DST: variants seen among roughly 807,000 people sequenced by gnomAD.
DST encodes the protein dystonin.
A neutral mutation model predicts 875.2 loss-of-function variants in DST; 253 were observed. The ratio of observed to expected loss-of-function variants is 0.29; its 90% CI spans 0.26 to 0.32. DST has a LOEUF of 0.32. Among genes scored for constraint, DST ranks in the 10% least tolerant of loss-of-function variants. The pLI is 1.00. For synonymous variants in DST, 3,124 were observed against 3,197.1 expected (o/e 0.98, Z 0.77); for missense variants, 8,287 against 9,111.6 (o/e 0.91, Z 3.68).
chr6:56,463,633 A>T lies in DST; in HGVS notation c.22891T>A (p.Ser7631Thr), dbSNP rs2094444682. The change falls in exon 101 of 104, where the codon TCC becomes ACC. Residue 7631 changes from serine to threonine, a missense_variant. Physicochemically the swap from Ser to Thr is moderately conservative, Grantham distance 58. Transcript: ENST00000680361. ...PSSRGASPNR[S>T]TSVSSQAAQA... is the part of the protein sequence containing the mutation. ...GCAGCCTGACTGGACACAGAAGTGG[A>T]TCTGTTGGGTGAAGCGCCTCGTGAT... 1 of 1,613,538 alleles carries T rather than the reference A, an allele frequency of 6.2e-7. No individual in the cohort carries two copies. Among genetic ancestry groups the T allele is most frequent in the African/African-American group, 1.3e-5 (1 of 74,890 alleles).
chr6:56,578,481 A>C (rs1292042189), intron 50 of DST, among the ~76,000 whole-genome samples: 3 of 152,230 alleles, frequency 2.0e-5, no homozygotes, highest in African/African-American at 7.2e-5. Context: ...CTTAAGTTGA[A>C]GGCCTAACTC....
chr6:56,493,744 T>C (rs2095826851), intron 83 of DST, among the ~76,000 whole-genome samples: 1 of 152,098 alleles, frequency 6.6e-6, no homozygotes, highest in South Asian at 2.1e-4. Context: ...TTTGAGTAGT[T>C]CTTAACATTT....
rs770325504 is a variant in DST at position 56,607,218 on chromosome 6, T to G, written c.7410A>C (p.Ser2470=). ...NGNKCEAPAL[S]FSDKTMLSGQ... ...CTGACAACATGGTTTTGTCACTGAA[T>G]GATAAGGCTGGGGCTTCACACTTAT... The change falls in exon 40 of 104, where the codon TCA becomes TCC. Residue 2470 remains serine, a synonymous_variant. Transcript: ENST00000680361. 1 of 1,613,590 alleles carries G rather than the reference T, an allele frequency of 6.2e-7. No homozygotes were observed.
intron 86 of DST, among the ~76,000 whole-genome samples, chr6:56,487,908 A>T (rs2095617419): frequency 6.6e-6 from 1 of 152,248 alleles, no homozygotes; most frequent in African/African-American, 2.4e-5. Context: ...GTAGCAAATT[A>T]AAATTACCCT....
chr6:56,660,621 A>G (rs1444155141), intron 10 of DST, among the ~76,000 whole-genome samples: 1 of 151,728 alleles, frequency 6.6e-6, no homozygotes, highest in Non-Finnish European at 1.5e-5. Context: ...ACCAAAAAAA[A>G]AAAAAGAAAA....
At chr6:56,754,172 G>A (rs2099595925) in intron 4 of DST, among the ~76,000 whole-genome samples, 1 of 152,052 alleles carries the variant, frequency 6.6e-6, no homozygotes, top group Non-Finnish European at 1.5e-5. Context: ...AGTGATCTCT[G>A]GTAAGAGTAA....
chr6:56,683,691 C>A (rs538354874), intron 9 of DST, among the ~76,000 whole-genome samples: 2 of 152,208 alleles, frequency 1.3e-5, no homozygotes, highest in East Asian at 1.9e-4. Context: ...CAGAAACACA[C>A]GTCTCCTGCT....
chr6:56,459,541 T>G (rs965619323), intron 103 of DST, among the ~76,000 whole-genome samples: 1 of 152,222 alleles, frequency 6.6e-6, no homozygotes, highest in Non-Finnish European at 1.5e-5. Flanking sequence ...CAAACAGACA[T>G]AAGGAATATA....
At chr6:56,523,623 T>C (rs567829075) in intron 69 of DST, among the ~76,000 whole-genome samples, 3 of 152,284 alleles carry the variant, frequency 2.0e-5, no homozygotes, top group African/African-American at 7.2e-5. Context: ...AAGAGGTATA[T>C]CTGTATATAT....
intron 49 of DST, among the ~76,000 whole-genome samples, chr6:56,585,393 T>C (rs1262937568): frequency 6.6e-6 from 1 of 152,110 alleles, no homozygotes. Context: ...GAGGTGTTTG[T>C]AGTATTCTCT....
At chr6:56,565,869 G>A (rs1467433878) in intron 55 of DST, among the ~76,000 whole-genome samples, 1 of 152,196 alleles carries the variant, frequency 6.6e-6, no homozygotes, top group East Asian at 1.9e-4. Context: ...GACTGGTGCT[G>A]CTGCCTTTTC....
Position 56,631,975 on chromosome 6 carries a change from C to A in DST, c.3871G>T (p.Glu1291Ter), listed in dbSNP as rs1217371643. ...SEVRNIRLRL[E>*]NCEDRLIRQI... is the part of the protein sequence containing the mutation. ...CTAATCAGCCGATCTTCACAGTTCT[C>A]TAACCGAAGTCTAATGTTTCGAACT... Residue 1291 changes from glutamate to a stop codon, truncating the protein, a stop_gained, in exon 29 of 104, where the codon GAG (glutamate) becomes TAG (stop). Transcript: ENST00000680361. LOFTEE classifies it high-confidence loss of function. 3 of 1,613,720 alleles carry A rather than the reference C, an allele frequency of 1.9e-6. No individual in the cohort carries two copies. The South Asian group carries it at 3.3e-5, about 18-fold the overall frequency.
chr6:56,676,607 A>C (rs2099131471), intron 9 of DST, among the ~76,000 whole-genome samples: 1 of 152,276 alleles, frequency 6.6e-6, no homozygotes, highest in South Asian at 2.1e-4. Flanking sequence ...ACAATGGCCA[A>C]GGTAAGGAAT....
chr6:56,644,623 A>G (rs2098931585), intron 15 of DST, among the ~76,000 whole-genome samples: 2 of 152,242 alleles, frequency 1.3e-5, no homozygotes, highest in Admixed American at 6.5e-5. Flanking sequence ...AGCACTATGA[A>G]GGAACAATAC....
At chr6:56,937,704 A>T (rs1427055867) in intron 2 of DST, among the ~76,000 whole-genome samples, 1 of 152,246 alleles carries the variant, frequency 6.6e-6, no homozygotes, top group Non-Finnish European at 1.5e-5. Context: ...TTAAGCACAT[A>T]TTCACAGCGG....
intron 50 of DST, among the ~76,000 whole-genome samples, chr6:56,575,922 G>T (rs1445250059): frequency 6.6e-6 from 1 of 152,090 alleles, no homozygotes; most frequent in African/African-American, 2.4e-5. Context: ...GTGACGCCTG[G>T]TGGCCTCCTG....
At chr6:56,921,137 A>G (rs1278015794) in intron 2 of DST, among the ~76,000 whole-genome samples, 1 of 151,994 alleles carries the variant, frequency 6.6e-6, no homozygotes, top group African/African-American at 2.4e-5. Context: ...AATTTCTGGA[A>G]CAGAAAGAGC....
At position 56,752,913 on chromosome 6, in the gene DST, T is replaced by G. The variant is rs58912662; in HGVS notation, c.626-17624A>C. Among the ~76,000 whole-genome samples, 982 of 152,246 alleles carry G rather than the reference T, an allele frequency of 6.5e-3. 11 individuals carry two copies. The highest frequency in any genetic ancestry group is 0.023 in the African/African-American group (953 of 41,540). The stretch of plus-strand genomic sequence containing the variant: ...TTCAAGCAATTCTCCTGCCTCAGCC[T>G]CCTGAGTAGCTGGGATTACAGACAT... On this transcript the variant is annotated intron_variant, in intron 4 of 103. Transcript: ENST00000680361.
chr6:56,579,527 C>G (rs1382285449), intron 49 of DST, among the ~76,000 whole-genome samples: 1 of 152,092 alleles, frequency 6.6e-6, no homozygotes, highest in African/African-American at 2.4e-5. Flanking sequence ...GTAAGTGCCA[C>G]AGGTGAGTCT....
Sources: gnomAD v4.1 joint callset for allele counts (sites outside exome capture counted in the v4.1 genomes callset) on GRCh38, gnomAD v4.1.1 for gene constraint, MANE v1.5 for transcripts, NCBI Gene and HGNC (gene_info 2026-07-23, HGNC 2026-07-21) for gene names.